The following GNL3L variants were observed in gnomAD, a reference collection of about 807,000 sequenced individuals.
GNL3L encodes the protein guanine nucleotide-binding protein-like 3-like protein.
GNL3L carries 4 observed loss-of-function variants against 42.9 expected under a neutral mutation model. The observed-to-expected ratio is 0.09, with a 90% CI of 0.05 to 0.21. The LOEUF (loss-of-function observed/expected upper bound fraction) is 0.21, where lower values mean the gene tolerates loss of function less well. Among genes scored for constraint, GNL3L ranks in the 10% least tolerant of loss-of-function variants. The pLI is 1.00. For missense variants in GNL3L, 412 were observed against 481.7 expected (o/e 0.86, Z 1.36); for synonymous variants, 159 against 176.3 (o/e 0.90, Z 0.78).
chrX:54,644,131 A>C, the GNL3L span, among the ~76,000 whole-genome samples: 2 of 111,883 alleles, frequency 1.8e-5, no homozygotes, highest in African/African-American at 6.5e-5. Context: ...ATGTATACCT[A>C]GCACTGGGAT....
At chrX:54,596,652 C>T (rs1257198433) in intron 16 of GNL3L, among the ~76,000 whole-genome samples, 1 of 112,181 alleles carries the variant, frequency 8.9e-6, no homozygotes, top group Non-Finnish European at 1.9e-5. Context: ...TAGTGAGTTA[C>T]CCCAGGCTCT....
chrX:54,540,738 A>G (rs1283806534), intron 4 of GNL3L, among the ~76,000 whole-genome samples: 4 of 109,840 alleles, frequency 3.6e-5, no homozygotes, highest in Admixed American at 2.0e-4. Context: ...ATTCACTGCA[A>G]CCTCTACCTC....
At chrX:54,607,016 CTT>C (rs1414918534) in intron 16 of GNL3L, among the ~76,000 whole-genome samples, 4,644 of 54,187 alleles carry the variant, frequency 0.086, 518 homozygotes, top group African/African-American at 0.34. Context: ...TTCTTTCTTT[CTT>C]TCTTTCTTTC....
At chrX:54,532,463 C>CT in intron 1 of GNL3L, 57 bp from the exon 2 acceptor site, 1 of 653,094 alleles carries the variant, frequency 1.5e-6, no homozygotes, top group East Asian at 3.3e-5. Flanking sequence ...TAGGAGGGGG[C>CT]TTGTGGCATT....
chrX:54,549,591 C>T (rs1488590679), intron 9 of GNL3L, among the ~76,000 whole-genome samples: 5 of 112,054 alleles, frequency 4.5e-5, no homozygotes, highest in East Asian at 2.8e-4. Flanking sequence ...CCCAGGTACT[C>T]GGGAGGCCGA....
Position 54,562,284 on chromosome X carries a change from G to C in GNL3L, c.*1682G>C, listed in dbSNP as rs1026585648. 8.9e-6 allele frequency among the ~76,000 whole-genome samples: 1 copy of C among 112,261 alleles called. No individual in the cohort carries two copies. Among genetic ancestry groups the C allele is most frequent in the Non-Finnish European group, 1.9e-5 (1 of 53,211 alleles). On this transcript the variant is annotated 3_prime_UTR_variant, in exon 16 of 16. Coordinates refer to ENST00000360845, the MANE Select transcript of GNL3L (RefSeq NM_001184819.2). ...TGGTCTCGAACTCTTGACCTCAAGTGATCCACTCGCTTCGGCCTCCCAAAG... is the reference window on the plus strand; with the variant it reads ...TGGTCTCGAACTCTTGACCTCAAGTCATCCACTCGCTTCGGCCTCCCAAAG...
At chrX:54,556,952 G>A (rs764234494) in intron 14 of GNL3L, among the ~76,000 whole-genome samples, 257 of 110,862 alleles carry the variant, frequency 2.3e-3, no homozygotes, top group African/African-American at 7.7e-3. Flanking sequence ...AAGCCAAGGC[G>A]GGTGGATCAC....
intron 3 of GNL3L, 116 bp from the exon 4 acceptor site, chrX:54,540,019 A>T: frequency 2.0e-6 from 1 of 494,810 alleles, no homozygotes; most frequent in Non-Finnish European, 3.6e-6. Flanking sequence ...GGATTGAGAG[A>T]TAGAAGGGGC....
chrX:54,545,721 A>G (rs1389519467), intron 8 of GNL3L, among the ~76,000 whole-genome samples: 1 of 112,317 alleles, frequency 8.9e-6, no homozygotes, highest in Non-Finnish European at 1.9e-5. Flanking sequence ...AAAATAAAGT[A>G]GAAAAAATAA....
At chrX:54,568,059 C>T (rs1395466105), downstream of GNL3L, among the ~76,000 whole-genome samples, 4 of 107,237 alleles carry the variant, frequency 3.7e-5, no homozygotes, top group African/African-American at 1.0e-4. Flanking sequence ...ACCTCTGCCT[C>T]CCGGGTTCAA....
chrX:54,531,794 A>G (rs1402602264), intron 1 of GNL3L, among the ~76,000 whole-genome samples: 1 of 111,362 alleles, frequency 9.0e-6, no homozygotes, highest in African/African-American at 3.3e-5. Context: ...TTCTTTCCCC[A>G]TGCAGCAGAG....
At chrX:54,536,827 A>C in intron 2 of GNL3L, among the ~76,000 whole-genome samples, 1 of 104,034 alleles carries the variant, frequency 9.6e-6, no homozygotes, top group Admixed American at 1.0e-4. Context: ...GGAGGGAGGG[A>C]GAGACGAAAG....
At chrX:54,642,542 A>G in the GNL3L span, among the ~76,000 whole-genome samples, 1 of 110,697 alleles carries the variant, frequency 9.0e-6, no homozygotes, top group East Asian at 2.8e-4. Flanking sequence ...TATTTAAAAA[A>G]AAATTTTTTT....
intron 2 of GNL3L, among the ~76,000 whole-genome samples, chrX:54,536,450 T>C (rs776774569): frequency 9.0e-6 from 1 of 111,056 alleles, no homozygotes; most frequent in Admixed American, 9.7e-5. Flanking sequence ...TTGGGATCTT[T>C]ATTCTGATTT....
At chrX:54,643,351 T>G in the GNL3L span, among the ~76,000 whole-genome samples, 1 of 111,750 alleles carries the variant, frequency 8.9e-6, no homozygotes, top group Middle Eastern at 4.6e-3. Context: ...GTCTTTTGTC[T>G]TTGCTTGTGG....
chrX:54,637,396 T>C, the GNL3L span, among the ~76,000 whole-genome samples: 1 of 112,042 alleles, frequency 8.9e-6, no homozygotes, highest in South Asian at 3.6e-4. Flanking sequence ...AGTGTCAGGC[T>C]GTGTGTGTGT....
chrX:54,571,472 T>C (rs1357121694), downstream of GNL3L, among the ~76,000 whole-genome samples: 1 of 107,795 alleles, frequency 9.3e-6, no homozygotes, highest in Non-Finnish European at 1.9e-5. Context: ...GTGCTGGGAT[T>C]ACAGGTGTGA....
the GNL3L span, among the ~76,000 whole-genome samples, chrX:54,630,655 C>CTCCCTTCCTTCCT: frequency 2.0e-5 from 1 of 49,435 alleles, no homozygotes; most frequent in Admixed American, 2.6e-4. Flanking sequence ...GTTTTCTTTT[C>CTCCCTTCCTTCCT]TCCTTCTTTC....
At chrX:54,539,564 A>G (rs776517888) in intron 3 of GNL3L, among the ~76,000 whole-genome samples, 17 of 111,206 alleles carry the variant, frequency 1.5e-4, no homozygotes, top group Non-Finnish European at 2.5e-4. Flanking sequence ...TTGGGTTCTC[A>G]CAATTTAGCA....
Sources: gnomAD v4.1 joint callset for allele counts (sites outside exome capture counted in the v4.1 genomes callset) on GRCh38, gnomAD v4.1.1 for gene constraint, MANE v1.5 for transcripts, NCBI Gene and HGNC (gene_info 2026-07-23, HGNC 2026-07-21) for gene names.